Variants in DACH1 observed in about 807,000 individuals in gnomAD.
DACH1 encodes dachshund homolog 1.
A neutral mutation model predicts 54.2 loss-of-function variants in DACH1; 12 were observed. The ratio of observed to expected loss-of-function variants is 0.22; its 90% CI spans 0.14 to 0.36. The LOEUF (loss-of-function observed/expected upper bound fraction) is 0.36, where lower values mean the gene tolerates loss of function less well. DACH1 is among the 10% of genes least tolerant of loss of function. DACH1 has a pLI of 1.00. For missense variants in DACH1, 805 were observed against 929.8 expected, an observed-to-expected ratio of 0.87 and a Z score of 1.75; for synonymous variants, 386 against 366.2, an observed-to-expected ratio of 1.05 and a Z score of -0.62.
chr13:71,839,504 G>A (rs1210569425), intron 1 of DACH1, among the ~76,000 whole-genome samples: 2 of 152,146 alleles, frequency 1.3e-5, no homozygotes, highest in African/African-American at 4.8e-5. Context: ...CTACTCGGGA[G>A]GTTGAGGCAG....
chr13:71,832,596 A>C (rs17088512), intron 1 of DACH1, among the ~76,000 whole-genome samples: 13,214 of 151,956 alleles, frequency 0.087, 1,746 homozygotes, highest in African/African-American at 0.28. Context: ...ATTATACTTA[A>C]AAATCAAGTA....
intron 1 of DACH1, among the ~76,000 whole-genome samples, chr13:71,693,296 C>CTTTTTTTTTTTTCT (rs1881620639): frequency 1.1e-5 from 1 of 90,962 alleles, no homozygotes; most frequent in African/African-American, 5.2e-5. Flanking sequence ...ATTTGTTTTG[C>CTTTTTTTTTTTTCT]TTTTTTTTTT....
chr13:71,796,730 G>C (rs944845758), intron 1 of DACH1, among the ~76,000 whole-genome samples: 1 of 151,968 alleles, frequency 6.6e-6, no homozygotes, highest in Non-Finnish European at 1.5e-5. Flanking sequence ...TTGTATAAAA[G>C]ACAAGTAATA....
At chr13:71,778,552 A>AG (rs1459975952) in intron 1 of DACH1, among the ~76,000 whole-genome samples, 1 of 140,508 alleles carries the variant, frequency 7.1e-6, no homozygotes, top group Non-Finnish European at 1.5e-5. Flanking sequence ...AAAATCTAGT[A>AG]AAAAAATCTT....
intron 10 of DACH1, among the ~76,000 whole-genome samples, chr13:71,467,934 T>C (rs953967183): frequency 2.6e-5 from 4 of 152,178 alleles, no homozygotes; most frequent in Non-Finnish European, 4.4e-5. Flanking sequence ...ATAGTCAATA[T>C]GCAGTGCAGG....
Position 71,556,999 on chromosome 13 carries a change from C to G in DACH1, c.1570+25G>C. ...CTAAAATCTATTGAATCGGGAAAAA[C>G]AAGGAATATATAATCATACATTACC... On this transcript the variant is annotated intron_variant, in intron 6 of 10. Transcript: ENST00000613252. 8 of 1,559,096 alleles carry G rather than the reference C, an allele frequency of 5.1e-6. No homozygotes were observed. The South Asian group carries it at 6.0e-5, about 12-fold the overall frequency.
At chr13:71,770,323 A>T (rs1885800863) in intron 1 of DACH1, among the ~76,000 whole-genome samples, 1 of 151,570 alleles carries the variant, frequency 6.6e-6, no homozygotes, top group South Asian at 2.1e-4. Flanking sequence ...GTTATTTTAA[A>T]CCAATTCTAA....
intron 1 of DACH1, among the ~76,000 whole-genome samples, chr13:71,804,429 G>T (rs1350929682): frequency 1.3e-5 from 2 of 152,044 alleles, no homozygotes; most frequent in Non-Finnish European, 2.9e-5. Flanking sequence ...TGTGATTCTG[G>T]CATCAAACCT....
intron 1 of DACH1, among the ~76,000 whole-genome samples, chr13:71,814,180 T>C (rs973309760): frequency 5.3e-5 from 8 of 152,326 alleles, no homozygotes; most frequent in African/African-American, 1.9e-4. Flanking sequence ...TTTGTCCAAA[T>C]GGGCAGTTTT....
chr13:71,506,432 C>T (rs1161598696), intron 6 of DACH1, among the ~76,000 whole-genome samples: 4 of 151,346 alleles, frequency 2.6e-5, no homozygotes, highest in Admixed American at 1.3e-4. Flanking sequence ...TGATGATTTC[C>T]AATTTCATCC....
intron 2 of DACH1, among the ~76,000 whole-genome samples, chr13:71,667,699 G>T (rs1204532542): frequency 1.3e-5 from 2 of 152,032 alleles, no homozygotes; most frequent in Non-Finnish European, 2.9e-5. Flanking sequence ...AACTCATATG[G>T]ACAGGTCATA....
At chr13:71,656,878 A>G (rs747782060) in intron 2 of DACH1, among the ~76,000 whole-genome samples, 22 of 133,432 alleles carry the variant, frequency 1.6e-4, no homozygotes, top group Non-Finnish European at 3.2e-4. Context: ...TGACTTGAAA[A>G]CTCATCTCCT....
intron 3 of DACH1, chr13:71,573,573 C>A: frequency 3.7e-6 from 2 of 533,514 alleles, no homozygotes; most frequent in South Asian, 2.9e-5. Flanking sequence ...ATCACTGCTG[C>A]CTGTGGGGAA....
At chr13:71,710,513 G>C (rs936174266) in intron 1 of DACH1, among the ~76,000 whole-genome samples, 1 of 150,646 alleles carries the variant, frequency 6.6e-6, no homozygotes, top group Non-Finnish European at 1.5e-5. Flanking sequence ...TGTGTGTGAT[G>C]AACAGGAGGA....
chr13:71,862,959 C>T (rs914251505), intron 1 of DACH1, among the ~76,000 whole-genome samples: 1 of 151,948 alleles, frequency 6.6e-6, no homozygotes, highest in South Asian at 2.1e-4. Context: ...TATACAGTTT[C>T]CCTTCTTGCT....
intron 1 of DACH1, among the ~76,000 whole-genome samples, chr13:71,734,858 A>C (rs1295303379): frequency 1.4e-5 from 2 of 146,472 alleles, no homozygotes; most frequent in African/African-American, 5.0e-5. Flanking sequence ...TGTATATCCC[A>C]TATACGTATA....
chr13:71,781,798 G>T, intron 1 of DACH1, among the ~76,000 whole-genome samples: 1 of 152,094 alleles, frequency 6.6e-6, no homozygotes, highest in East Asian at 1.9e-4. Context: ...TGAACAAAAT[G>T]ATGTTTCTAT....
chr13:71,619,928 A>G (rs1876093256), intron 3 of DACH1, among the ~76,000 whole-genome samples: 2 of 151,942 alleles, frequency 1.3e-5, no homozygotes, highest in Admixed American at 1.3e-4. Flanking sequence ...TTCTCTTGAT[A>G]TAGACATAGG....
chr13:71,610,905 G>A (rs1162945835), intron 3 of DACH1, among the ~76,000 whole-genome samples: 1 of 152,154 alleles, frequency 6.6e-6, no homozygotes, highest in African/African-American at 2.4e-5. Flanking sequence ...ACGGGCTAAT[G>A]TATTTTTCTG....
Sources: allele counts gnomAD v4.1 joint callset (sites outside exome capture counted in the v4.1 genomes callset), GRCh38; gene constraint gnomAD v4.1.1; transcripts MANE v1.5; gene names NCBI Gene and HGNC (gene_info 2026-07-23, HGNC 2026-07-21).